The following NRXN3 variants were observed in gnomAD, a reference collection of about 807,000 sequenced individuals.
NRXN3 encodes neurexin 3, also known as neurexin III.
NRXN3 carries 32 observed loss-of-function variants against 137.6 expected under a neutral mutation model. That is an observed-to-expected ratio of 0.23 (90% CI 0.18 to 0.31). The LOEUF (loss-of-function observed/expected upper bound fraction) is 0.31, where lower values mean the gene tolerates loss of function less well. NRXN3 is among the 10% of genes least tolerant of loss of function. NRXN3 has a pLI of 1.00. For synonymous variants in NRXN3, 798 were observed against 784.5 expected, an observed-to-expected ratio of 1.02 and a Z score of -0.29; for missense variants, 1,574 against 2,062.5, an observed-to-expected ratio of 0.76 and a Z score of 4.59.
chr14:78,480,126 G>A (rs1231467811), intron 4 of NRXN3, among the ~76,000 whole-genome samples: 3 of 152,160 alleles, frequency 2.0e-5, no homozygotes, highest in Admixed American at 6.5e-5. Flanking sequence ...GGATGATAGA[G>A]TGAGACCCTC....
At chr14:78,258,320 A>G (rs919121159) in intron 2 of NRXN3, among the ~76,000 whole-genome samples, 13 of 152,034 alleles carry the variant, frequency 8.6e-5, no homozygotes, top group Non-Finnish European at 7.4e-5. Flanking sequence ...TGGGGTGAAG[A>G]TGAGAGAGGA....
intron 4 of NRXN3, among the ~76,000 whole-genome samples, chr14:78,351,228 CAATA>C (rs2083447738): frequency 6.6e-6 from 1 of 152,172 alleles, no homozygotes; most frequent in Non-Finnish European, 1.5e-5. Flanking sequence ...AGTGTTCTAT[CAATA>C]AATATACTAC....
At chr14:79,712,906 C>T (rs974327512) in intron 19 of NRXN3, among the ~76,000 whole-genome samples, 10 of 152,150 alleles carry the variant, frequency 6.6e-5, no homozygotes, top group Non-Finnish European at 1.2e-4. Flanking sequence ...TTTATTTCCT[C>T]ATTTTCAAGG....
intron 15 of NRXN3, among the ~76,000 whole-genome samples, chr14:79,242,724 A>C (rs547671713): frequency 1.5e-4 from 23 of 152,294 alleles, no homozygotes; most frequent in African/African-American, 5.3e-4. Flanking sequence ...CTGAGGGCTA[A>C]AGTCTCATTC....
At chr14:78,824,081 T>C (rs1340736603) in intron 10 of NRXN3, among the ~76,000 whole-genome samples, 1 of 139,030 alleles carries the variant, frequency 7.2e-6, no homozygotes, top group Non-Finnish European at 1.5e-5. Flanking sequence ...CTAAAGACAA[T>C]AAAGAAATGG....
chr14:79,525,592 CTT>C (rs2097111273), intron 16 of NRXN3, among the ~76,000 whole-genome samples: 1 of 152,204 alleles, frequency 6.6e-6, no homozygotes, highest in South Asian at 2.1e-4. Flanking sequence ...AAAATATACT[CTT>C]TGCATATCAC....
chr14:78,703,852 A>C (rs561078457), intron 6 of NRXN3: 9 of 152,322 alleles, frequency 5.9e-5, no homozygotes, highest in African/African-American at 1.7e-4. Flanking sequence ...GTTGTCCTCT[A>C]TGCAGATAGT....
intron 15 of NRXN3, among the ~76,000 whole-genome samples, chr14:79,132,008 A>G (rs1349429499): frequency 6.6e-6 from 1 of 152,230 alleles, no homozygotes; most frequent in East Asian, 1.9e-4. Context: ...GCGCTTCCCG[A>G]GTGAGGCAAT....
At chr14:79,318,857 C>T (rs1030392073) in intron 15 of NRXN3, among the ~76,000 whole-genome samples, 1 of 152,194 alleles carries the variant, frequency 6.6e-6, no homozygotes, top group Non-Finnish European at 1.5e-5. Context: ...TTTCTTGCCT[C>T]ATTACTCCCA....
chr14:78,607,058 T>C (rs2097259300), intron 4 of NRXN3, among the ~76,000 whole-genome samples: 1 of 152,154 alleles, frequency 6.6e-6, no homozygotes, highest in African/African-American at 2.4e-5. Flanking sequence ...ACAGCCCCAT[T>C]GTCTGTTGGA....
chr14:78,592,704 C>A (rs2097127345), intron 4 of NRXN3, among the ~76,000 whole-genome samples: 1 of 152,190 alleles, frequency 6.6e-6, no homozygotes, highest in South Asian at 2.1e-4. Context: ...GCATTCTGCT[C>A]TGTGTGCAAC....
At chr14:78,404,377 G>A (rs2092344501) in intron 4 of NRXN3, among the ~76,000 whole-genome samples, 1 of 152,094 alleles carries the variant, frequency 6.6e-6, no homozygotes, top group Non-Finnish European at 1.5e-5. Flanking sequence ...CAGAACTTGT[G>A]TGATTCAGGC....
intron 15 of NRXN3, among the ~76,000 whole-genome samples, chr14:79,323,988 T>A (rs1344813997): frequency 1.3e-5 from 2 of 152,274 alleles, no homozygotes. Context: ...ATTATTTCTA[T>A]TGCTGGTCAA....
chr14:78,377,908 A>G (rs1466463844), intron 4 of NRXN3, among the ~76,000 whole-genome samples: 1 of 152,208 alleles, frequency 6.6e-6, no homozygotes, highest in Admixed American at 6.5e-5. Context: ...ACTCAAAACC[A>G]CTACCAACTA....
rs183243983 is a variant in NRXN3, at chr14:78,862,709, A to T, written c.2275+52365A>T. Among the ~76,000 whole-genome samples, 266 of 152,290 alleles carry T rather than the reference A, an allele frequency of 1.7e-3. 1 individual carries two copies. Among genetic ancestry groups the T allele is most frequent in the African/African-American group, 5.7e-3 (238 of 41,578 alleles). On this transcript the variant is annotated intron_variant, in intron 10 of 20. Transcript: ENST00000335750. ...AGGGGCTGAGTATACAAAAATAAAT[A>T]AGACCACTCTGTCATGAAAACATGT...
chr14:78,667,902 G>T (rs2097901754), intron 6 of NRXN3, among the ~76,000 whole-genome samples: 1 of 151,966 alleles, frequency 6.6e-6, no homozygotes, highest in Admixed American at 6.5e-5. Context: ...TCCTGCCTCT[G>T]CCTCCCGAGT....
intron 16 of NRXN3, among the ~76,000 whole-genome samples, chr14:79,649,212 G>A (rs1056711413): frequency 5.9e-5 from 9 of 152,072 alleles, no homozygotes; most frequent in African/African-American, 1.9e-4. Flanking sequence ...TAAGATAACC[G>A]CTAACTTCTG....
Position 79,554,553 on chromosome 14 carries a change from C to A in NRXN3, c.3444+87151C>A, listed in dbSNP as rs76315366. Among the ~76,000 whole-genome samples the A allele has an allele frequency of 3.9e-5, 6 of 152,220 alleles. No individual in the cohort carries two copies. The East Asian group carries it at 1.2e-3, about 29-fold the overall frequency. On this transcript the variant is annotated intron_variant, in intron 16 of 20. Transcript: ENST00000335750. ...GGTTAAAAGCCATCTGGGGAAATAG[C>A]CAGTAGCCAATGCTTATTAGCGTAC...
chr14:79,454,867 G>T (rs1003123888), intron 15 of NRXN3, among the ~76,000 whole-genome samples: 5 of 152,038 alleles, frequency 3.3e-5, no homozygotes, highest in Admixed American at 2.0e-4. Flanking sequence ...TTTGTTAACA[G>T]ATATCTTTAA....
Sources: allele counts gnomAD v4.1 joint callset (sites outside exome capture counted in the v4.1 genomes callset), GRCh38; gene constraint gnomAD v4.1.1; transcripts MANE v1.5; gene names NCBI Gene and HGNC (gene_info 2026-07-23, HGNC 2026-07-21).